ZNF680: variants seen among roughly 807,000 people sequenced by gnomAD.
The protein encoded by ZNF680 is zinc finger protein 680.
Under a neutral mutation model 12.1 loss-of-function variants are expected in ZNF680, and 6 were observed. The observed-to-expected ratio is 0.49, with a 90% confidence interval of 0.27 to 0.98. The LOEUF is 0.98. ZNF680 is among the 50% of genes least tolerant of loss of function. The pLI, the probability that ZNF680 is intolerant of heterozygous loss-of-function variation, is 0.12. For missense variants in ZNF680, 561 were observed against 616.3 expected, an observed-to-expected ratio of 0.91 and a Z score of 0.95; for synonymous variants, 170 against 199.3, an observed-to-expected ratio of 0.85 and a Z score of 1.24.
chr7:64,530,061 A>G (rs558781003), intron 3 of ZNF680, among the ~76,000 whole-genome samples: 5 of 152,344 alleles, frequency 3.3e-5, no homozygotes, highest in African/African-American at 1.2e-4. Flanking sequence ...TAAGCATCAC[A>G]TATGAAGGAA....
At chr7:64,556,855 ATAGAG>A (rs1562778423) in intron 1 of ZNF680, among the ~76,000 whole-genome samples, 2 of 152,322 alleles carry the variant, frequency 1.3e-5, no homozygotes, top group South Asian at 2.1e-4. Flanking sequence ...CAAACTATCA[ATAGAG>A]TAAACAAACA....
At chr7:64,502,921 GCT>G in the ZNF680 span, among the ~76,000 whole-genome samples, 5 of 151,544 alleles carry the variant, frequency 3.3e-5, no homozygotes, top group African/African-American at 7.3e-5. Context: ...ATGGAGTCTC[GCT>G]CTGTCTCCCA....
At chr7:64,530,270 A>G (rs1281427618) in intron 3 of ZNF680, among the ~76,000 whole-genome samples, 1 of 152,098 alleles carries the variant, frequency 6.6e-6, no homozygotes, top group Non-Finnish European at 1.5e-5. Flanking sequence ...AAAAACAAAA[A>G]CCAAGGTACA....
intron 3 of ZNF680, among the ~76,000 whole-genome samples, chr7:64,536,401 G>A (rs909957506): frequency 1.3e-5 from 2 of 152,160 alleles, no homozygotes; most frequent in Non-Finnish European, 2.9e-5. Flanking sequence ...CATGATGGAA[G>A]GCAAAGAGTA....
At chr7:64,506,795 T>G in the ZNF680 span, among the ~76,000 whole-genome samples, 45 of 152,310 alleles carry the variant, frequency 3.0e-4, no homozygotes, top group South Asian at 5.0e-3. Flanking sequence ...TGGTTTAATA[T>G]TGGCTCTGCT....
intron 3 of ZNF680, among the ~76,000 whole-genome samples, chr7:64,534,885 T>C (rs1786075277): frequency 6.6e-6 from 1 of 152,150 alleles, no homozygotes; most frequent in South Asian, 2.1e-4. Flanking sequence ...AGACTATTAT[T>C]CTAAGTGAAG....
intron 1 of ZNF680, among the ~76,000 whole-genome samples, chr7:64,557,892 A>C (rs1359269746): frequency 1.3e-5 from 2 of 152,222 alleles, no homozygotes; most frequent in East Asian, 3.8e-4. Flanking sequence ...GGACTAGAAA[A>C]AAATACCTGT....
At chr7:64,561,329 GTCATGGTGGGTA>G (rs1787722050) in intron 1 of ZNF680, 1 of 152,506 alleles carries the variant, frequency 6.6e-6, no homozygotes, top group African/African-American at 2.4e-5. Flanking sequence ...AGCAGACATA[GTCATGGTGGGTA>G]TCATGGTTTA....
the ZNF680 span, among the ~76,000 whole-genome samples, chr7:64,514,058 A>G: frequency 6.6e-6 from 1 of 152,200 alleles, no homozygotes; most frequent in Non-Finnish European, 1.5e-5. Context: ...TTATTTCAGA[A>G]TATCAAGTGT....
intron 1 of ZNF680, among the ~76,000 whole-genome samples, chr7:64,560,241 GTAGCTGGAAT>G (rs1306319952): frequency 6.6e-6 from 1 of 151,488 alleles, no homozygotes; most frequent in African/African-American, 2.4e-5. Flanking sequence ...AGCCTCCCAA[GTAGCTGGAAT>G]TACAGGCATG....
chr7:64,511,637 TA>T, the ZNF680 span, among the ~76,000 whole-genome samples: 117,148 of 151,780 alleles, frequency 0.77, 46,173 homozygotes, highest in African/African-American at 0.94. Context: ...ACACTTTCTT[TA>T]AAAAAAACCC....
the ZNF680 span, among the ~76,000 whole-genome samples, chr7:64,504,108 T>C: frequency 0.013 from 1,934 of 152,372 alleles, 17 homozygotes; most frequent in Non-Finnish European, 0.02. Context: ...ATTCTGTCAA[T>C]AGAATACTAT....
chr7:64,543,832 C>T, intron 2 of ZNF680, 30 bp from the exon 3 acceptor site: 1 of 1,587,568 alleles, frequency 6.3e-7, no homozygotes, highest in South Asian at 1.1e-5. Flanking sequence ...TAACATGAAT[C>T]TTGCTCATAT....
At chr7:64,550,388 C>T (rs955947027) in intron 1 of ZNF680, among the ~76,000 whole-genome samples, 4 of 152,088 alleles carry the variant, frequency 2.6e-5, no homozygotes, top group African/African-American at 7.2e-5. Context: ...CTCTTTGAGT[C>T]TTATAACTAA....
At chr7:64,536,452 G>A (rs1051247214) in intron 3 of ZNF680, among the ~76,000 whole-genome samples, 3 of 152,152 alleles carry the variant, frequency 2.0e-5, no homozygotes, top group Non-Finnish European at 4.4e-5. Context: ...CAAGTGTGAG[G>A]TGAAGGAAAC....
chr7:64,562,523 T>C (rs1396548359), intron 1 of ZNF680, among the ~76,000 whole-genome samples: 1 of 152,086 alleles, frequency 6.6e-6, no homozygotes, highest in African/African-American at 2.4e-5. Flanking sequence ...TTTGAACCAC[T>C]CTTCTATTAC....
chr7:64,533,771 A>G (rs1786009577), intron 3 of ZNF680, among the ~76,000 whole-genome samples: 1 of 152,196 alleles, frequency 6.6e-6, no homozygotes, highest in Non-Finnish European at 1.5e-5. Flanking sequence ...AAACTATACT[A>G]TAAGCCATAG....
In ZNF680 at chr7:64,563,064, C is replaced by A; in HGVS notation, c.-110G>T. 1.5e-6 allele frequency: 2 copies of A among 1,332,104 alleles called. No individual in the cohort carries two copies. Among genetic ancestry groups the A allele is most frequent in the Non-Finnish European group, 2.1e-6 (2 of 941,552 alleles). 82.5% of individuals were successfully genotyped at this position (1,332,104 alleles called of 1,614,324 possible). A position where few individuals can be genotyped will look rare whatever the true frequency, so the allele number is the denominator to read the frequency against. On this transcript the variant is annotated 5_prime_UTR_variant, in exon 1 of 4. Transcript: ENST00000309683. ...ACTAGACCTGGAGCTCCCGCAGCAG[C>A]TAGAGACAAAGGCCCCGCCAAATCC...
chr7:64,526,882 T>C (rs1451551696), intron 3 of ZNF680, among the ~76,000 whole-genome samples: 1 of 152,222 alleles, frequency 6.6e-6, no homozygotes, highest in Non-Finnish European at 1.5e-5. Context: ...GATAATTACA[T>C]TGTATTTCCA....
Sources: gnomAD v4.1 joint callset for allele counts (sites outside exome capture counted in the v4.1 genomes callset) on GRCh38, gnomAD v4.1.1 for gene constraint, MANE v1.5 for transcripts, NCBI Gene and HGNC (gene_info 2026-07-23, HGNC 2026-07-21) for gene names.